Variants in NME7 observed in about 807,000 individuals in gnomAD.
The protein encoded by NME7 is nucleoside diphosphate kinase 7.
A neutral mutation model predicts 49.1 loss-of-function variants in NME7; 41 were observed. That is an observed-to-expected ratio of 0.83 (90% CI 0.65 to 1.08). The LOEUF (loss-of-function observed/expected upper bound fraction) is 1.08, where lower values mean the gene tolerates loss of function less well. Ranked by LOEUF, NME7 falls within the 50% of genes least tolerant of loss-of-function variation. NME7 has a pLI of 0.00. For synonymous variants in NME7, 139 were observed against 150.6 expected (o/e 0.92, Z 0.56); for missense variants, 423 against 463.4 (o/e 0.91, Z 0.80).
At position 169,293,290 on chromosome 1, in the gene NME7, A is replaced by G. The variant is rs1169743591; in HGVS notation, c.648+5266T>C. On this transcript the variant is annotated intron_variant, in intron 6 of 11. Transcript: ENST00000367811. ...ACTCCAGCTTGGGCAGCAGAGTGAG[A>G]CTCTTGTCTCCAAAAAAAAAAAAAA... Among the ~76,000 whole-genome samples, 6 of 133,164 alleles carry G rather than the reference A, an allele frequency of 4.5e-5. No individual in the cohort carries two copies. The Admixed American group carries it at 4.9e-4, about 11-fold the overall frequency. The allele number at this position is 133,164 out of a possible 152,430, so 87.4% of individuals were successfully genotyped here. A position where few individuals can be genotyped will look rare whatever the true frequency, so the allele number is the denominator to read the frequency against.
chr1:169,180,995 CATTAAGGGCTGAG>C, intron 10 of NME7, among the ~76,000 whole-genome samples: 1 of 152,256 alleles, frequency 6.6e-6, no homozygotes, highest in Non-Finnish European at 1.5e-5. Context: ...CAACATTCTA[CATTAAGGGCTGAG>C]CCAAGACTAA....
intron 10 of NME7, among the ~76,000 whole-genome samples, chr1:169,226,755 T>C (rs1470714954): frequency 6.6e-6 from 1 of 152,188 alleles, no homozygotes; most frequent in East Asian, 1.9e-4. Flanking sequence ...TTGCAAAATA[T>C]AGGAAAACAG....
chr1:169,243,552 GA>G (rs1432182619), intron 7 of NME7, among the ~76,000 whole-genome samples: 1 of 152,214 alleles, frequency 6.6e-6, no homozygotes, highest in Non-Finnish European at 1.5e-5. Flanking sequence ...TTGTGGGGAA[GA>G]GGTGATTAGA....
intron 7 of NME7, among the ~76,000 whole-genome samples, chr1:169,246,335 A>G (rs1415231542): frequency 6.6e-6 from 1 of 152,098 alleles, no homozygotes; most frequent in East Asian, 1.9e-4. Context: ...AAAATAAATA[A>G]GAGTTTGGAT....
intron 11 of NME7, among the ~76,000 whole-genome samples, chr1:169,158,373 T>C (rs1456239994): frequency 6.6e-6 from 1 of 152,248 alleles, no homozygotes; most frequent in Non-Finnish European, 1.5e-5. Flanking sequence ...TTTAAAACTT[T>C]TTATTTTTTA....
chr1:169,170,675 G>A (rs1659558033), intron 10 of NME7, among the ~76,000 whole-genome samples: 1 of 152,146 alleles, frequency 6.6e-6, no homozygotes, highest in Non-Finnish European at 1.5e-5. Flanking sequence ...AACACTTTCA[G>A]AGGTAGAGGT....
chr1:169,257,787 C>G (rs1308612068), intron 7 of NME7, among the ~76,000 whole-genome samples: 1 of 133,966 alleles, frequency 7.5e-6, no homozygotes, highest in Non-Finnish European at 1.8e-5. Context: ...CCTTCATTTA[C>G]AAAACTTAGT....
intron 7 of NME7, among the ~76,000 whole-genome samples, chr1:169,266,006 G>A (rs1438154495): frequency 7.6e-6 from 1 of 131,766 alleles, no homozygotes; most frequent in Non-Finnish European, 1.8e-5. Context: ...AGGACCAGAC[G>A]GATTCATAGC....
intron 6 of NME7, among the ~76,000 whole-genome samples, chr1:169,293,783 T>C (rs1395440582): frequency 6.6e-6 from 1 of 152,172 alleles, no homozygotes; most frequent in Non-Finnish European, 1.5e-5. Flanking sequence ...AGAACTGATA[T>C]CTTCAGGATA....
intron 6 of NME7, among the ~76,000 whole-genome samples, chr1:169,287,904 T>C (rs909255709): frequency 2.0e-5 from 3 of 152,146 alleles, no homozygotes; most frequent in Non-Finnish European, 4.4e-5. Flanking sequence ...AAATGAACCA[T>C]GTTTTATAAA....
chr1:169,222,548 A>T (rs1661176959), intron 10 of NME7, among the ~76,000 whole-genome samples: 1 of 152,210 alleles, frequency 6.6e-6, no homozygotes, highest in Non-Finnish European at 1.5e-5. Flanking sequence ...CTGAATAGTA[A>T]TTTGTGTCTC....
intron 10 of NME7, among the ~76,000 whole-genome samples, chr1:169,196,938 T>A (rs1000489788): frequency 6.6e-6 from 1 of 152,152 alleles, no homozygotes; most frequent in African/African-American, 2.4e-5. Context: ...ATATTTTATA[T>A]AATAAGATGC....
intron 7 of NME7, chr1:169,284,174 T>C (rs993045886): frequency 1.3e-5 from 2 of 152,132 alleles, no homozygotes; most frequent in African/African-American, 4.8e-5. Flanking sequence ...TAATCTGGTC[T>C]TCTCTTTTTA....
intron 10 of NME7, among the ~76,000 whole-genome samples, chr1:169,225,717 C>G (rs911401635): frequency 2.6e-5 from 4 of 152,004 alleles, no homozygotes; most frequent in African/African-American, 7.3e-5. Context: ...CTTGTGCACC[C>G]TCTCCTCTTT....
At chr1:169,246,762 G>T (rs1217407049) in intron 7 of NME7, among the ~76,000 whole-genome samples, 1 of 152,000 alleles carries the variant, frequency 6.6e-6, no homozygotes, top group Non-Finnish European at 1.5e-5. Context: ...AAAATTATTT[G>T]TAGAGACAGG....
At chr1:169,169,362 A>T in intron 11 of NME7, 85 bp downstream of exon 11, 1 of 1,227,186 alleles carries the variant, frequency 8.1e-7, no homozygotes, top group Non-Finnish European at 1.2e-6. Context: ...TAACAATAAA[A>T]CAAAAAGTTT....
At chr1:169,162,756 T>C (rs929576993) in intron 11 of NME7, among the ~76,000 whole-genome samples, 1 of 152,228 alleles carries the variant, frequency 6.6e-6, no homozygotes, top group Middle Eastern at 3.4e-3. Context: ...GGAGGATTGC[T>C]TGAGCCCAGG....
At chr1:169,151,695 A>C (rs1440539663) in intron 11 of NME7, among the ~76,000 whole-genome samples, 2 of 152,188 alleles carry the variant, frequency 1.3e-5, no homozygotes, top group East Asian at 3.9e-4. Flanking sequence ...CCCTTGGGTA[A>C]GAATGTGTGC....
chr1:169,252,496 T>C (rs1318468553), intron 7 of NME7, among the ~76,000 whole-genome samples: 1 of 152,024 alleles, frequency 6.6e-6, no homozygotes, highest in Non-Finnish European at 1.5e-5. Context: ...GAAAATTTTC[T>C]CCCATTTTGT....
Sources: gnomAD v4.1 joint callset for allele counts (sites outside exome capture counted in the v4.1 genomes callset) on GRCh38, gnomAD v4.1.1 for gene constraint, MANE v1.5 for transcripts, NCBI Gene and HGNC (gene_info 2026-07-23, HGNC 2026-07-21) for gene names.